The following CNGA4 variants were observed in gnomAD, a reference collection of about 807,000 sequenced individuals.
CNGA4 encodes cyclic nucleotide gated channel subunit alpha 4, also known as cyclic nucleotide-gated channel alpha-4.
A neutral mutation model predicts 45.6 loss-of-function variants in CNGA4; 32 were observed. That is an observed-to-expected ratio of 0.70 (90% CI 0.53 to 0.94). CNGA4 has a LOEUF of 0.94. Among genes scored for constraint, CNGA4 ranks in the 40% least tolerant of loss-of-function variants. The probability of loss-of-function intolerance (pLI) is 0.00; values close to 1 mark genes in which losing one functional copy is unlikely to be tolerated. For missense variants in CNGA4, 726 were observed against 755.1 expected (o/e 0.96, Z 0.45); for synonymous variants, 293 against 304.6 (o/e 0.96, Z 0.40).
At chr11:6,236,398 A>G (rs1285595533), upstream of CNGA4, among the ~76,000 whole-genome samples, 1 of 152,250 alleles carries the variant, frequency 6.6e-6, no homozygotes, top group Non-Finnish European at 1.5e-5. Flanking sequence ...CAAAAGACCA[A>G]ACAAGCTGAT....
chr11:6,244,106 G>T lies in CNGA4; in HGVS notation c.1425G>T (p.Met475Ile). The change falls in exon 6 of 6, where the codon ATG (methionine) becomes ATT (isoleucine). Residue 475 changes from methionine to isoleucine, a missense_variant. Coordinates refer to ENST00000379936, the MANE Select transcript of CNGA4 (RefSeq NM_001037329.4). The surrounding 1 kb of genome is among the most constrained non-coding windows in gnomAD (Gnocchi z 4.5). ...EEKGREILLK[M>I]NKLDVNAEAA... Reference sequence around the variant, plus strand: ...AAGGACGTGAGATCCTGCTGAAAATGAACAAGTTGGACGTGAATGCTGAGG... The same window carrying T: ...AAGGACGTGAGATCCTGCTGAAAATTAACAAGTTGGACGTGAATGCTGAGG... 1 of 1,614,232 alleles carries T rather than the reference G, an allele frequency of 6.2e-7. No individual in the cohort carries two copies. Among genetic ancestry groups the T allele is most frequent in the Non-Finnish European group, 8.5e-7 (1 of 1,180,044 alleles).
At chr11:6,243,582 A>G (rs1055280678) in intron 5 of CNGA4, among the ~76,000 whole-genome samples, 3 of 152,190 alleles carry the variant, frequency 2.0e-5, no homozygotes, top group Non-Finnish European at 4.4e-5. Flanking sequence ...CAAATATTCA[A>G]ATTATATCTT....
rs1847961678 is a variant in CNGA4 at position 6,244,313 on chromosome 11, C to T, written c.1632C>T (p.Asp544=). The change falls in exon 6 of 6, where the codon GAC becomes GAT. Residue 544 remains aspartate, a synonymous_variant. Coordinates refer to ENST00000379936, the MANE Select transcript of CNGA4 (RefSeq NM_001037329.4). This position sits in a 1 kb window ranked among gnomAD's most constrained non-coding sequence, Gnocchi z 4.5. ...CTCGAGAGTGGCCAATGCCCGAGGA[C>T]CTGGCTGAGGCTGATGACGAGGGTG... ...WQTREWPMPE[D]LAEADDEGEP... The T allele has an allele frequency of 1.2e-6, 2 of 1,613,986 alleles. No homozygotes were observed. Among genetic ancestry groups the T allele is most frequent in the Admixed American group, 3.3e-5 (2 of 59,988 alleles).
At chr11:6,243,194 A>G (rs1195246507) in intron 5 of CNGA4, among the ~76,000 whole-genome samples, 1 of 152,136 alleles carries the variant, frequency 6.6e-6, no homozygotes, top group East Asian at 1.9e-4. Flanking sequence ...GTTCAGGTGT[A>G]TGAGACTGTT....
rs761912258 is a variant in CNGA4 at position 6,243,918 on chromosome 11, C to G, written c.1268-31C>G. The G allele has an allele frequency of 5.0e-6, 8 of 1,595,112 alleles. No homozygotes were observed. The South Asian group carries it at 8.9e-5, about 18-fold the overall frequency. ...TGCCACCTCCTCACCCTCCTACTAA[C>G]TGTCCTCCCATCTCTGCCCATGAGC... On this transcript the variant is annotated intron_variant, in intron 5 of 5. Transcript: ENST00000379936.
chr11:6,241,820 G>T (rs375054431), intron 5 of CNGA4, 40 bp downstream of exon 5: 48 of 1,577,768 alleles, frequency 3.0e-5, no homozygotes, highest in Non-Finnish European at 3.8e-5. Flanking sequence ...AAGGATGGGT[G>T]GGGTAGGGGG....
At chr11:6,237,325 A>G (rs184543461), upstream of CNGA4, among the ~76,000 whole-genome samples, 5 of 152,368 alleles carry the variant, frequency 3.3e-5, no homozygotes, top group East Asian at 9.6e-4. Context: ...GAATTCTAGA[A>G]GAAAAAGTGG....
downstream of CNGA4, chr11:6,244,516 G>C: frequency 8.9e-7 from 1 of 1,125,706 alleles, no homozygotes; most frequent in South Asian, 1.6e-5. This position sits in a 1 kb window ranked among gnomAD's most constrained non-coding sequence, Gnocchi z 4.5. Context: ...AGACACAGGA[G>C]CGAATTGGTC....
rs1374090515 is a variant in CNGA4, at chr11:6,240,766, G to C, written c.917+55G>C. ...GGGACCAGTGTAGGTGATGGAACCT[G>C]AGGGAGGTAACTGGGTCCTTAGTGC... On this transcript the variant is annotated intron_variant, in intron 4 of 5. Transcript: ENST00000379936. This position sits in a 1 kb window ranked among gnomAD's most constrained non-coding sequence, Gnocchi z 4.9. 1.3e-6 allele frequency: 2 copies of C among 1,567,422 alleles called. No individual in the cohort carries two copies. The highest frequency in any genetic ancestry group is 1.7e-6 in the Non-Finnish European group (2 of 1,152,694).
chr11:6,241,413 C>T lies in CNGA4; in HGVS notation c.918-18C>T. 2 of 1,554,696 alleles carry T rather than the reference C, an allele frequency of 1.3e-6. No homozygotes were observed. The highest frequency in any genetic ancestry group is 1.8e-5 in the Admixed American group (1 of 55,878). On this transcript the variant is annotated intron_variant, in intron 4 of 5. Coordinates refer to ENST00000379936, the MANE Select transcript of CNGA4 (RefSeq NM_001037329.4). ...ACATAAAGGGCTGGTAAGGAAATGG[C>T]ACTGTCCTTACTCTCAGGTATCAGC...
chr11:6,238,958 G>T, upstream of CNGA4: 1 of 1,123,160 alleles, frequency 8.9e-7, no homozygotes, highest in Non-Finnish European at 1.2e-6. Flanking sequence ...CTCATTAGAG[G>T]TGTTTAGCTG....
rs141496573 is a variant in CNGA4, at chr11:6,242,807, C to G, written c.1267+1027C>G. Among the ~76,000 whole-genome samples, 255 of 152,336 alleles carry G rather than the reference C, an allele frequency of 1.7e-3. 1 individual carries two copies. Among genetic ancestry groups the G allele is most frequent in the African/African-American group, 5.9e-3 (246 of 41,570 alleles). ...TGTTCAACAAATAGTAGCTCCCTTT[C>G]CCTTGTCCAAGGTCCTTCTAGCTCT... On this transcript the variant is annotated intron_variant, in intron 5 of 5. Coordinates refer to ENST00000379936, the MANE Select transcript of CNGA4 (RefSeq NM_001037329.4).
chr11:6,240,015 G>T lies in CNGA4; in HGVS notation c.272-51G>T. ...GCCTGCCCTGGGCAGCTCATGCTCA[G>T]CCCAAGCTTGACTACAGCAGGTCCG... On this transcript the variant is annotated intron_variant, in intron 3 of 5. Coordinates refer to ENST00000379936, the MANE Select transcript of CNGA4 (RefSeq NM_001037329.4). This position sits in a 1 kb window ranked among gnomAD's most constrained non-coding sequence, Gnocchi z 4.9. 6.4e-7 allele frequency: 1 copy of T among 1,564,206 alleles called. No homozygotes were observed. The highest frequency in any genetic ancestry group is 8.7e-7 in the Non-Finnish European group (1 of 1,154,578).
upstream of CNGA4, among the ~76,000 whole-genome samples, chr11:6,237,902 ACTC>A (rs1847858318): frequency 1.3e-5 from 2 of 151,842 alleles, no homozygotes; most frequent in African/African-American, 2.4e-5. Context: ...GGCTGACAGA[ACTC>A]CTCCTGAGCT....
In CNGA4 at chr11:6,239,157, A is replaced by C; in HGVS notation, c.-50A>C. 5 of 1,612,154 alleles carry C rather than the reference A, an allele frequency of 3.1e-6. No individual in the cohort carries two copies. Among genetic ancestry groups the C allele is most frequent in the Non-Finnish European group, 4.2e-6 (5 of 1,179,894 alleles). ...GTGCCCAACTCCAGAAGTCCCCTAC[A>C]GGCAGAGAGGGTGTGGACATCTCAC... On this transcript the variant is annotated 5_prime_UTR_variant, in exon 1 of 6. Coordinates refer to ENST00000379936, the MANE Select transcript of CNGA4 (RefSeq NM_001037329.4).
At position 6,244,016 on chromosome 11, in the gene CNGA4, G is replaced by A; in HGVS notation, c.1335G>A (p.Leu445=). The part of the protein sequence containing the change: ...KSLGYSDLFC[L]SKEDLREVLS... ...TAGGTTATTCAGACCTATTCTGCCT[G>A]AGCAAGGAGGACCTGCGGGAGGTGC... Residue 445 remains leucine (L), a synonymous_variant, in exon 6 of 6, where the codon CTG becomes CTA. Transcript: ENST00000379936. This position sits in a 1 kb window ranked among gnomAD's most constrained non-coding sequence, Gnocchi z 4.5. 1.9e-6 allele frequency: 3 copies of A among 1,614,150 alleles called. No homozygotes were observed. The highest frequency in any genetic ancestry group is 2.5e-6 in the Non-Finnish European group (3 of 1,180,026).
Position 6,244,053 on chromosome 11 carries a change from C to G in CNGA4, c.1372C>G (p.Pro458Ala), listed in dbSNP as rs1443683577. 1 of 1,614,166 alleles carries G rather than the reference C, an allele frequency of 6.2e-7. No individual in the cohort carries two copies. The highest frequency in any genetic ancestry group is 1.1e-5 in the South Asian group (1 of 91,082). Residue 458 changes from proline to alanine, a missense_variant, in exon 6 of 6, where the codon CCA becomes GCA. Pro to Ala is a conservative substitution (Grantham distance 27). Transcript: ENST00000379936. This position sits in a 1 kb window ranked among gnomAD's most constrained non-coding sequence, Gnocchi z 4.5. ...CCTGCGGGAGGTGCTGAGCGAGTATCCACAAGCACAGACCATCATGGAGGA... is the reference window on the plus strand; with the variant it reads ...CCTGCGGGAGGTGCTGAGCGAGTATGCACAAGCACAGACCATCATGGAGGA... ...EDLREVLSEY[P>A]QAQTIMEEKG...
At position 6,240,289 on chromosome 11, in the gene CNGA4, T is replaced by A; in HGVS notation, c.495T>A (p.Asn165Lys). Residue 165 changes from asparagine (N) to lysine (K), a missense_variant, in exon 4 of 6, where the codon AAT becomes AAA. Transcript: ENST00000379936. This position sits in a 1 kb window ranked among gnomAD's most constrained non-coding sequence, Gnocchi z 4.9. The part of the protein sequence containing the change: ...DRTETRTAYP[N>K]AFRIAKLMLY... Reference sequence around the variant, plus strand: ...CAGAGACCCGCACAGCTTACCCAAATGCCTTTCGCATTGCCAAGCTGATGC... The same window carrying A: ...CAGAGACCCGCACAGCTTACCCAAAAGCCTTTCGCATTGCCAAGCTGATGC... The A allele has an allele frequency of 6.2e-7, 1 of 1,614,210 alleles. No homozygotes were observed. The highest frequency in any genetic ancestry group is 8.5e-7 in the Non-Finnish European group (1 of 1,180,018).
chr11:6,239,297 T>C, intron 1 of CNGA4, 29 bp downstream of exon 1: 8 of 1,613,008 alleles, frequency 5.0e-6, no homozygotes, highest in Non-Finnish European at 6.8e-6. Context: ...TTGTGTGGGA[T>C]CTCTCCTCAT....
Sources: allele counts gnomAD v4.1 joint callset (sites outside exome capture counted in the v4.1 genomes callset), GRCh38; gene constraint gnomAD v4.1.1; non-coding constraint Gnocchi (gnomAD v3.1); transcripts MANE v1.5; gene names NCBI Gene and HGNC (gene_info 2026-07-23, HGNC 2026-07-21).